Variants in KCNK3 observed in about 807,000 individuals in gnomAD.
KCNK3 encodes potassium channel subfamily K member 3.
Under a neutral mutation model 27.3 loss-of-function variants are expected in KCNK3, and 9 were observed. The observed-to-expected ratio is 0.33, with a 90% CI of 0.20 to 0.57. The LOEUF (loss-of-function observed/expected upper bound fraction) is 0.57, where lower values mean the gene tolerates loss of function less well. Among genes scored for constraint, KCNK3 ranks in the 20% least tolerant of loss-of-function variants. The probability of loss-of-function intolerance (pLI) is 0.87; values close to 1 mark genes in which losing one functional copy is unlikely to be tolerated. For missense variants in KCNK3, 391 were observed against 577.7 expected (o/e 0.68, Z 3.31); for synonymous variants, 278 against 273.8 (o/e 1.02, Z -0.15).
chr2:26,702,097 C>T (rs116560237), intron 1 of KCNK3, among the ~76,000 whole-genome samples: 1 of 152,164 alleles, frequency 6.6e-6, no homozygotes, highest in Non-Finnish European at 1.5e-5. Flanking sequence ...TTTCCTGATC[C>T]TCTCTCTCCT....
At chr2:26,706,179 C>T (rs1308585786) in intron 1 of KCNK3, among the ~76,000 whole-genome samples, 3 of 152,188 alleles carry the variant, frequency 2.0e-5, no homozygotes, top group Non-Finnish European at 4.4e-5. Flanking sequence ...CAGAAACATG[C>T]AAAGGTGGCT....
chr2:26,698,721 C>G (rs1283397990), intron 1 of KCNK3, among the ~76,000 whole-genome samples: 2 of 152,160 alleles, frequency 1.3e-5, no homozygotes, highest in Non-Finnish European at 2.9e-5. Flanking sequence ...CAATCCCACT[C>G]CCCACCCCCC....
At chr2:26,726,487 A>C (rs954567818) in intron 1 of KCNK3, among the ~76,000 whole-genome samples, 9 of 152,246 alleles carry the variant, frequency 5.9e-5, no homozygotes, top group Non-Finnish European at 1.2e-4. Flanking sequence ...AGAATGGAAG[A>C]AAATGCCAGC....
At chr2:26,709,396 G>C (rs1200263405) in intron 1 of KCNK3, among the ~76,000 whole-genome samples, 1 of 152,154 alleles carries the variant, frequency 6.6e-6, no homozygotes, top group Admixed American at 6.5e-5. Flanking sequence ...AGCAAGGAAG[G>C]GAGCCTGCCA....
chr2:26,707,668 G>A (rs566646125), intron 1 of KCNK3, among the ~76,000 whole-genome samples: 1 of 152,174 alleles, frequency 6.6e-6, no homozygotes, highest in East Asian at 1.9e-4. Flanking sequence ...TGAGTTCAGG[G>A]TGCTGCTGAT....
At chr2:26,714,383 C>T (rs538618627) in intron 1 of KCNK3, among the ~76,000 whole-genome samples, 4 of 8,298 alleles carry the variant, frequency 4.8e-4, no homozygotes, top group Admixed American at 1.3e-3. Context: ...GACACCACCC[C>T]GCCCAGTGAG....
At chr2:26,718,520 G>A (rs1213884317) in intron 1 of KCNK3, among the ~76,000 whole-genome samples, 2 of 152,204 alleles carry the variant, frequency 1.3e-5, no homozygotes, top group Middle Eastern at 3.4e-3. Flanking sequence ...AATTAATCAC[G>A]AGCCCATTAT....
At chr2:26,700,614 G>A (rs1670294743) in intron 1 of KCNK3, among the ~76,000 whole-genome samples, 1 of 152,222 alleles carries the variant, frequency 6.6e-6, no homozygotes, top group African/African-American at 2.4e-5. Context: ...CCTTAGTGAA[G>A]GGGCCATGTG....
chr2:26,697,690 G>C (rs1034551723), intron 1 of KCNK3, among the ~76,000 whole-genome samples: 1 of 152,092 alleles, frequency 6.6e-6, no homozygotes, highest in African/African-American at 2.4e-5. Flanking sequence ...TGCAGGTCCT[G>C]GGAATCTTTT....
chr2:26,717,193 T>C (rs1385956665), intron 1 of KCNK3, among the ~76,000 whole-genome samples: 2 of 152,184 alleles, frequency 1.3e-5, no homozygotes, highest in East Asian at 3.8e-4. Context: ...CTATGCACCA[T>C]CACCCTCTGG....
chr2:26,703,852 A>G (rs566346891), intron 1 of KCNK3, among the ~76,000 whole-genome samples: 16 of 152,336 alleles, frequency 1.1e-4, no homozygotes, highest in South Asian at 2.1e-4. Flanking sequence ...GAAGATCAGC[A>G]GCCAGAGCTT....
At position 26,727,648 on chromosome 2, in the gene KCNK3, C is replaced by G. The variant is rs772231379; in HGVS notation, c.284-19C>G. 3 of 1,511,370 alleles carry G rather than the reference C, an allele frequency of 2.0e-6. No homozygotes were observed. Among genetic ancestry groups the G allele is most frequent in the Non-Finnish European group, 2.7e-6 (3 of 1,129,896 alleles). 93.6% of individuals were successfully genotyped at this position (1,511,370 alleles called of 1,614,324 possible). A position where few individuals can be genotyped will look rare whatever the true frequency, so the allele number is the denominator to read the frequency against. ...CCCCAAAATGTGTGCTTTTTCTCCT[C>G]TTTCCCACTTTCCCCCAGGCTACGG... is the stretch of plus-strand genomic sequence containing the variant. On this transcript the variant is annotated intron_variant, in intron 1 of 1. Transcript: ENST00000302909.
At chr2:26,713,000 G>A (rs1018624081) in intron 1 of KCNK3, among the ~76,000 whole-genome samples, 5 of 152,128 alleles carry the variant, frequency 3.3e-5, no homozygotes, top group Non-Finnish European at 5.9e-5. Flanking sequence ...TGGAGATGGG[G>A]CCACACATGC....
At position 26,692,831 on chromosome 2, in the gene KCNK3, G is replaced by C; in HGVS notation, c.-45G>C. ...CAGCAGCGGCGGCCGGGGCCGAGGC[G>C]CGGGCCGGGGGCGCCGGGGGGCCGG... On this transcript the variant is annotated 5_prime_UTR_variant, in exon 1 of 2. Transcript: ENST00000302909. This position sits in a 1 kb window ranked among gnomAD's most constrained non-coding sequence, Gnocchi z 5.6. The C allele has an allele frequency of 9.2e-7, 1 of 1,090,854 alleles. No homozygotes were observed. The highest frequency in any genetic ancestry group is 1.1e-6 in the Non-Finnish European group (1 of 893,284). The allele number at this position is 1,090,854 out of a possible 1,614,324, so 67.6% of individuals were successfully genotyped here.
intron 1 of KCNK3, among the ~76,000 whole-genome samples, chr2:26,695,926 G>A (rs1026238567): frequency 6.6e-6 from 1 of 152,034 alleles, no homozygotes; most frequent in Non-Finnish European, 1.5e-5. Flanking sequence ...CTGGCTTTGT[G>A]TTGCCTTCCA....
At chr2:26,708,677 TC>T (rs1663039791) in intron 1 of KCNK3, among the ~76,000 whole-genome samples, 1 of 152,044 alleles carries the variant, frequency 6.6e-6, no homozygotes, top group Non-Finnish European at 1.5e-5. Flanking sequence ...AAAAACTCCA[TC>T]TCAAAAATAA....
intron 1 of KCNK3, among the ~76,000 whole-genome samples, chr2:26,723,850 G>T (rs749953504): frequency 6.6e-6 from 1 of 152,196 alleles, no homozygotes; most frequent in Non-Finnish European, 1.5e-5. Flanking sequence ...AGAGTCTCCC[G>T]GTCAGAACAT....
Position 26,732,424 on chromosome 2 carries a change from G to A in KCNK3, c.*3856G>A, listed in dbSNP as rs1278961935. ...AATATACTGGAGAAATAAAGAGAGT[G>A]GGAGTAGGGACACTTTCTCCCAGTG... On this transcript the variant is annotated 3_prime_UTR_variant, in exon 2 of 2. Coordinates refer to ENST00000302909, the MANE Select transcript of KCNK3 (RefSeq NM_002246.3). 6.6e-6 allele frequency: 1 copy of A among 152,188 alleles called. No homozygotes were observed. The highest frequency in any genetic ancestry group is 1.9e-4 in the East Asian group (1 of 5,198). 9.4% of individuals were successfully genotyped at this position (152,188 alleles called of 1,614,324 possible).
At chr2:26,715,091 C>T (rs1052476973) in intron 1 of KCNK3, among the ~76,000 whole-genome samples, 3 of 152,214 alleles carry the variant, frequency 2.0e-5, no homozygotes, top group African/African-American at 7.2e-5. Flanking sequence ...ATGCAGCATC[C>T]ATTCAACTAA....
Sources: allele counts gnomAD v4.1 joint callset (sites outside exome capture counted in the v4.1 genomes callset), GRCh38; gene constraint gnomAD v4.1.1; non-coding constraint Gnocchi (gnomAD v3.1); transcripts MANE v1.5; gene names NCBI Gene and HGNC (gene_info 2026-07-23, HGNC 2026-07-21).